EPB41L5: variants seen among roughly 807,000 people sequenced by gnomAD.
EPB41L5 encodes band 4.1-like protein 5.
Under a neutral mutation model 106.6 loss-of-function variants are expected in EPB41L5, and 55 were observed. The ratio of observed to expected loss-of-function variants is 0.52; its 90% CI spans 0.42 to 0.65. The LOEUF (loss-of-function observed/expected upper bound fraction) is 0.65. Among genes scored for constraint, EPB41L5 ranks in the 30% least tolerant of loss-of-function variants. The pLI is 0.00. For synonymous variants in EPB41L5, 297 were observed against 306.7 expected, an observed-to-expected ratio of 0.97 and a Z score of 0.33; for missense variants, 871 against 882.1, an observed-to-expected ratio of 0.99 and a Z score of 0.16.
rs889299451 is a variant in EPB41L5, at chr2:120,163,266, C to T, written c.1888-1570C>T. ...CAAGACCGTGTCCCTCTGCCCCCCC[C>T]CCCCCCAAAAAAAGAAAGAAATGTA... is the stretch of plus-strand genomic sequence containing the variant. On this transcript the variant is annotated intron_variant, in intron 21 of 24. Coordinates refer to ENST00000263713, the MANE Select transcript of EPB41L5 (RefSeq NM_020909.4). Among the ~76,000 whole-genome samples the T allele has an allele frequency of 2.2e-5, 3 of 138,682 alleles. 1 individual carries two copies. The allele number at this position is 138,682 out of a possible 152,430, so 91.0% of individuals were successfully genotyped here.
chr2:120,125,533 C>T (rs1283526528), intron 16 of EPB41L5, among the ~76,000 whole-genome samples: 2 of 152,206 alleles, frequency 1.3e-5, no homozygotes, highest in Non-Finnish European at 2.9e-5. Flanking sequence ...TTCTGTGGCT[C>T]AGTAATCCCC....
chr2:120,086,460 T>G (rs957974864), intron 10 of EPB41L5, among the ~76,000 whole-genome samples: 1 of 152,122 alleles, frequency 6.6e-6, no homozygotes. Context: ...TACCCAAAAT[T>G]CCTGTTGAAA....
intron 16 of EPB41L5, chr2:120,103,910 T>C: frequency 1.2e-6 from 1 of 842,186 alleles, no homozygotes; most frequent in Non-Finnish European, 1.6e-6. Context: ...TTCTTGAATG[T>C]TATCATTGCA....
At chr2:120,081,856 A>C (rs1210120899) in intron 10 of EPB41L5, among the ~76,000 whole-genome samples, 2 of 152,034 alleles carry the variant, frequency 1.3e-5, no homozygotes, top group African/African-American at 4.8e-5. Flanking sequence ...TAGGTATTTT[A>C]TTCTCTTTGA....
intron 14 of EPB41L5, among the ~76,000 whole-genome samples, chr2:120,098,347 C>CT (rs1683907937): frequency 1.3e-5 from 2 of 151,748 alleles, no homozygotes; most frequent in African/African-American, 4.8e-5. Flanking sequence ...GTATCTGAGA[C>CT]TACTACAGGC....
intron 14 of EPB41L5, among the ~76,000 whole-genome samples, chr2:120,098,991 G>A (rs1186993094): frequency 6.6e-6 from 1 of 152,178 alleles, no homozygotes; most frequent in East Asian, 1.9e-4. Flanking sequence ...CCTGATAATT[G>A]GTAGTGATTT....
intron 13 of EPB41L5, among the ~76,000 whole-genome samples, chr2:120,092,493 C>T (rs1683487634): frequency 1.3e-5 from 2 of 152,146 alleles, no homozygotes; most frequent in South Asian, 4.2e-4. Context: ...TAAGAAAAAG[C>T]ACTATTTACC....
chr2:120,119,994 T>G (rs1685135902), intron 16 of EPB41L5, among the ~76,000 whole-genome samples: 1 of 152,184 alleles, frequency 6.6e-6, no homozygotes, highest in Non-Finnish European at 1.5e-5. Flanking sequence ...TCATAATTTT[T>G]CCTCTAAGAT....
chr2:120,168,919 G>A (rs182949056), intron 24 of EPB41L5, among the ~76,000 whole-genome samples: 44 of 152,200 alleles, frequency 2.9e-4, no homozygotes, highest in Non-Finnish European at 5.1e-4. Flanking sequence ...CAAATGTAAT[G>A]GATTATTTTT....
chr2:120,082,696 G>A (rs572907184), intron 10 of EPB41L5, among the ~76,000 whole-genome samples: 14 of 152,254 alleles, frequency 9.2e-5, no homozygotes, highest in African/African-American at 3.1e-4. Context: ...GCTCCTCCTT[G>A]TACCTCTGGT....
intron 20 of EPB41L5, among the ~76,000 whole-genome samples, chr2:120,152,398 C>T (rs868097986): frequency 3.9e-5 from 6 of 152,006 alleles, no homozygotes; most frequent in South Asian, 4.2e-4. Flanking sequence ...ATATTCTTCT[C>T]GATGCAGTTT....
chr2:120,101,490 G>A (rs1195584447), intron 16 of EPB41L5: 1 of 152,208 alleles, frequency 6.6e-6, no homozygotes, highest in African/African-American at 2.4e-5. Context: ...ATTTGATTCA[G>A]TGGTCATGTT....
At chr2:120,077,388 A>T in intron 9 of EPB41L5, 72 bp downstream of exon 9, 1 of 1,293,418 alleles carries the variant, frequency 7.7e-7, no homozygotes, top group Non-Finnish European at 1.1e-6. Flanking sequence ...GGAATTTTTC[A>T]GTATGAGGGA....
At chr2:120,020,311 G>A (rs868099861) in intron 2 of EPB41L5, among the ~76,000 whole-genome samples, 3 of 152,266 alleles carry the variant, frequency 2.0e-5, no homozygotes, top group Middle Eastern at 3.4e-3. Flanking sequence ...AACTCACCAA[G>A]TGAGAGTATA....
chr2:120,085,827 A>G (rs1008251317), intron 10 of EPB41L5, among the ~76,000 whole-genome samples: 3 of 152,144 alleles, frequency 2.0e-5, no homozygotes, highest in Non-Finnish European at 4.4e-5. Context: ...TGGCCTAAGA[A>G]TGCTTTAGGC....
At chr2:120,107,212 A>G (rs989421607) in intron 16 of EPB41L5, among the ~76,000 whole-genome samples, 29 of 151,964 alleles carry the variant, frequency 1.9e-4, no homozygotes, top group Non-Finnish European at 1.0e-4. Context: ...GGTGGGAGCT[A>G]TAGTTGTTTG....
chr2:120,045,685 T>C (rs1289763568), intron 3 of EPB41L5, among the ~76,000 whole-genome samples: 6 of 152,208 alleles, frequency 3.9e-5, no homozygotes, highest in South Asian at 2.1e-4. Context: ...TTTATTATTA[T>C]ACTTTAAGTT....
At chr2:120,159,422 T>TAA (rs1687044828) in intron 20 of EPB41L5, among the ~76,000 whole-genome samples, 1 of 43,938 alleles carries the variant, frequency 2.3e-5, no homozygotes. Flanking sequence ...AGACTCCATC[T>TAA]CAAAAAAAAA....
intron 24 of EPB41L5, among the ~76,000 whole-genome samples, chr2:120,174,203 C>A (rs112289321): frequency 8.5e-5 from 13 of 152,228 alleles, no homozygotes; most frequent in Non-Finnish European, 1.5e-4. Flanking sequence ...TGCCTGTAAT[C>A]GCAGCACTTT....
Sources: gnomAD v4.1 joint callset for allele counts (sites outside exome capture counted in the v4.1 genomes callset) on GRCh38, gnomAD v4.1.1 for gene constraint, MANE v1.5 for transcripts, NCBI Gene and HGNC (gene_info 2026-07-23, HGNC 2026-07-21) for gene names.